GALNT7: variants seen among roughly 807,000 people sequenced by gnomAD.
GALNT7 encodes the protein N-acetylgalactosaminyltransferase 7.
A neutral mutation model predicts 82.1 loss-of-function variants in GALNT7; 60 were observed. The ratio of observed to expected loss-of-function variants is 0.73; its 90% CI spans 0.59 to 0.91. The LOEUF (loss-of-function observed/expected upper bound fraction) is 0.91, where lower values mean the gene tolerates loss of function less well. GALNT7 is among the 40% of genes least tolerant of loss of function. GALNT7 has a pLI of 0.00. For synonymous variants in GALNT7, 243 were observed against 275.1 expected (o/e 0.88, Z 1.15); for missense variants, 660 against 804.2 (o/e 0.82, Z 2.17).
rs574301788 is a variant in GALNT7 at position 173,221,921 on chromosome 4, A to C, written c.127-26059A>C. Among the ~76,000 whole-genome samples the C allele has an allele frequency of 3.3e-5, 5 of 152,316 alleles. No homozygotes were observed. The East Asian group carries it at 9.6e-4, about 29-fold the overall frequency. On this transcript the variant is annotated intron_variant, in intron 1 of 11. Transcript: ENST00000265000. ...CAGAGATTGTTCTTGTGAGAGATACACTATTTTAGCATGACTCAGAAACCT... is the reference window on the plus strand; with the variant it reads ...CAGAGATTGTTCTTGTGAGAGATACCCTATTTTAGCATGACTCAGAAACCT...
intron 10 of GALNT7, among the ~76,000 whole-genome samples, chr4:173,318,104 G>A (rs1422633168): frequency 2.6e-5 from 4 of 152,070 alleles, no homozygotes; most frequent in South Asian, 4.1e-4. Context: ...TGCCAGTAAT[G>A]TATATTTCAC....
intron 1 of GALNT7, among the ~76,000 whole-genome samples, chr4:173,228,305 A>G (rs199689017): frequency 2.5e-5 from 2 of 79,078 alleles, no homozygotes; most frequent in African/African-American, 6.8e-5. Flanking sequence ...AGTCATTTCT[A>G]TGCCCCATTA....
At chr4:173,300,125 C>G (rs985766169) in intron 6 of GALNT7, among the ~76,000 whole-genome samples, 1 of 152,144 alleles carries the variant, frequency 6.6e-6, no homozygotes, top group Non-Finnish European at 1.5e-5. Flanking sequence ...AGATATGTTT[C>G]CTCATTGAAT....
intron 2 of GALNT7, 59 bp downstream of exon 2, chr4:173,248,499 AG>A: frequency 9.9e-7 from 1 of 1,014,188 alleles, no homozygotes; most frequent in South Asian, 1.5e-5. Flanking sequence ...ATAGGTTTTT[AG>A]GTTTAGTTAG....
At chr4:173,287,415 G>T (rs575775362) in intron 2 of GALNT7, among the ~76,000 whole-genome samples, 1 of 152,228 alleles carries the variant, frequency 6.6e-6, no homozygotes, top group African/African-American at 2.4e-5. Flanking sequence ...GGCTTGCCCC[G>T]AGTGAACTTT....
At chr4:173,198,162 C>G (rs912816297) in intron 1 of GALNT7, among the ~76,000 whole-genome samples, 3 of 151,762 alleles carry the variant, frequency 2.0e-5, no homozygotes, top group African/African-American at 7.3e-5. Context: ...CGGGTTCACG[C>G]CATTCTCCCG....
chr4:173,311,806 T>C (rs1218066864), intron 8 of GALNT7, among the ~76,000 whole-genome samples: 5 of 152,232 alleles, frequency 3.3e-5, no homozygotes, highest in African/African-American at 4.8e-5. Flanking sequence ...TCGTATGTTC[T>C]TTTATCATGC....
chr4:173,184,475 G>T (rs1315248399), intron 1 of GALNT7, among the ~76,000 whole-genome samples: 2 of 151,998 alleles, frequency 1.3e-5, no homozygotes, highest in East Asian at 3.9e-4. Flanking sequence ...GCGCCCGCCT[G>T]CAATCCCAGG....
intron 1 of GALNT7, among the ~76,000 whole-genome samples, chr4:173,235,573 T>C (rs1734196175): frequency 6.6e-6 from 1 of 151,162 alleles, no homozygotes; most frequent in Non-Finnish European, 1.5e-5. Context: ...TTTTTTTTCT[T>C]GAGACAGAGT....
chr4:173,219,274 A>G (rs181712629), intron 1 of GALNT7, among the ~76,000 whole-genome samples: 1 of 152,152 alleles, frequency 6.6e-6, no homozygotes, highest in African/African-American at 2.4e-5. Context: ...CTCCAGTTGC[A>G]TCCAGGTTGC....
intron 2 of GALNT7, among the ~76,000 whole-genome samples, chr4:173,288,296 A>G (rs1272811562): frequency 2.7e-5 from 4 of 149,860 alleles, no homozygotes; most frequent in Non-Finnish European, 4.4e-5. Flanking sequence ...AAAAAAAAAA[A>G]AAAAAAAAAG....
At chr4:173,273,285 T>C (rs927773930) in intron 2 of GALNT7, among the ~76,000 whole-genome samples, 1 of 152,248 alleles carries the variant, frequency 6.6e-6, no homozygotes, top group African/African-American at 2.4e-5. Context: ...TTTTCAAATC[T>C]GTGTTGAACT....
chr4:173,186,537 C>T (rs1025677495), intron 1 of GALNT7, among the ~76,000 whole-genome samples: 3 of 152,078 alleles, frequency 2.0e-5, no homozygotes, highest in Non-Finnish European at 4.4e-5. Context: ...TACTGTTTTT[C>T]CTTCCTTCTG....
intron 1 of GALNT7, among the ~76,000 whole-genome samples, chr4:173,184,896 G>A (rs1485973004): frequency 2.6e-5 from 4 of 152,102 alleles, no homozygotes; most frequent in Non-Finnish European, 5.9e-5. Flanking sequence ...AGTTTTACAT[G>A]ATAACCATAT....
chr4:173,295,176 T>G (rs1736675699), intron 3 of GALNT7, among the ~76,000 whole-genome samples: 1 of 152,192 alleles, frequency 6.6e-6, no homozygotes, highest in South Asian at 2.1e-4. Context: ...TTTAGAAGGG[T>G]GTTTGATAAT....
At chr4:173,259,307 G>A (rs1735167125) in intron 2 of GALNT7, among the ~76,000 whole-genome samples, 1 of 152,222 alleles carries the variant, frequency 6.6e-6, no homozygotes, top group African/African-American at 2.4e-5. Context: ...TGTTAGATTA[G>A]TGGAGGGGGT....
chr4:173,298,420 C>T (rs1736801059), intron 6 of GALNT7, 123 bp downstream of exon 6: 4 of 667,618 alleles, frequency 6.0e-6, no homozygotes, highest in Admixed American at 6.5e-5. Flanking sequence ...GAAAGAACAT[C>T]TTTCCTTACA....
chr4:173,169,867 C>G (rs1025441026), intron 1 of GALNT7, among the ~76,000 whole-genome samples: 26 of 152,104 alleles, frequency 1.7e-4, no homozygotes, highest in African/African-American at 4.8e-4. Context: ...CCGGCCGCCC[C>G]GCGCCGGCTG....
chr4:173,191,196 C>T (rs1411068059), intron 1 of GALNT7, among the ~76,000 whole-genome samples: 1 of 151,448 alleles, frequency 6.6e-6, no homozygotes, highest in African/African-American at 2.4e-5. Flanking sequence ...AAGCGCCTGG[C>T]AAGTTGGGGT....
Sources: allele counts gnomAD v4.1 joint callset (sites outside exome capture counted in the v4.1 genomes callset), GRCh38; gene constraint gnomAD v4.1.1; transcripts MANE v1.5; gene names NCBI Gene and HGNC (gene_info 2026-07-23, HGNC 2026-07-21).